ADAMTS20: variants seen among roughly 807,000 people sequenced by gnomAD.
The protein encoded by ADAMTS20 is ADAM metallopeptidase with thrombospondin type 1 motif 20.
In ADAMTS20, 225 loss-of-function variants were observed where a neutral mutation model predicts 260.1. That is an observed-to-expected ratio of 0.87 (90% CI 0.78 to 0.97). The LOEUF is 0.97. Among genes scored for constraint, ADAMTS20 ranks in the 50% least tolerant of loss-of-function variants. The probability of loss-of-function intolerance (pLI) is 0.00; values close to 1 mark genes in which losing one functional copy is unlikely to be tolerated. For synonymous variants in ADAMTS20, 802 were observed against 769.5 expected (o/e 1.04, Z -0.70); for missense variants, 2,400 against 2,337.7 (o/e 1.03, Z -0.55).
chr12:43,424,422 G>A (rs1031961825), intron 28 of ADAMTS20, among the ~76,000 whole-genome samples: 12 of 152,186 alleles, frequency 7.9e-5, no homozygotes, highest in Admixed American at 1.3e-4. Flanking sequence ...TGGGAGAAAT[G>A]CATAATCTAT....
In ADAMTS20 at chr12:43,383,889, T is replaced by C. The variant is rs1375341910; in HGVS notation, c.4541A>G (p.Asp1514Gly). ...GVGQVVEEMC[D>G]QSTRPCSQRR... ...CTGAGAACAAGGTCGGGTGGACTGA[T>C]CACACATTTCTTCAACCACCTGACC... The change falls in exon 30 of 39, where the codon GAT (aspartate) becomes GGT (glycine). Residue 1514 changes from aspartate to glycine, a missense_variant. By Grantham distance (94) the Asp-to-Gly change is moderately conservative. Coordinates refer to ENST00000389420, the MANE Select transcript of ADAMTS20 (RefSeq NM_025003.5). 6.2e-7 allele frequency: 1 copy of C among 1,613,930 alleles called. No homozygotes were observed. Among genetic ancestry groups the C allele is most frequent in the East Asian group, 2.2e-5 (1 of 44,880 alleles).
intron 16 of ADAMTS20, among the ~76,000 whole-genome samples, chr12:43,442,750 TAAATC>T (rs1941690944): frequency 1.3e-5 from 2 of 152,256 alleles, no homozygotes; most frequent in African/African-American, 4.8e-5. Flanking sequence ...AAAAGGCTAA[TAAATC>T]AAACTATTTA....
At chr12:43,359,880 A>G (rs994242557) in intron 37 of ADAMTS20, among the ~76,000 whole-genome samples, 1 of 152,224 alleles carries the variant, frequency 6.6e-6, no homozygotes, top group African/African-American at 2.4e-5. Flanking sequence ...ATAAAACTAT[A>G]AAAAGTTTTT....
intron 2 of ADAMTS20, among the ~76,000 whole-genome samples, chr12:43,545,375 T>G (rs989202207): frequency 1.3e-5 from 2 of 152,206 alleles, no homozygotes; most frequent in African/African-American, 4.8e-5. Context: ...AAATCTACCC[T>G]GTTTTTCAGC....
intron 4 of ADAMTS20, among the ~76,000 whole-genome samples, chr12:43,501,475 G>GCA (rs1353322850): frequency 3.4e-5 from 2 of 59,074 alleles, no homozygotes; most frequent in African/African-American, 5.1e-5. Context: ...GCGCGCGCGC[G>GCA]CGCGCGCACA....
At chr12:43,454,550 C>T (rs1012700819) in intron 11 of ADAMTS20, among the ~76,000 whole-genome samples, 17 of 152,178 alleles carry the variant, frequency 1.1e-4, no homozygotes, top group Admixed American at 8.5e-4. Context: ...CTGTTCTACC[C>T]ATTCAACAGC....
intron 4 of ADAMTS20, among the ~76,000 whole-genome samples, chr12:43,500,281 G>A (rs1345627309): frequency 1.3e-5 from 2 of 152,036 alleles, no homozygotes; most frequent in East Asian, 1.9e-4. Context: ...TGCATGCCTC[G>A]GCCTCTCAAA....
At position 43,477,353 on chromosome 12, in the gene ADAMTS20, A is replaced by G. The variant is rs1442511191; in HGVS notation, c.1118-8648T>C. 3.9e-5 allele frequency among the ~76,000 whole-genome samples: 6 copies of G among 152,188 alleles called. No homozygotes were observed. The East Asian group carries it at 1.2e-3, about 29-fold the overall frequency. ...GGGACAACAGGGTATAGATAATGCA[A>G]GAAATATATTCAGTAGATTCTTATT... On this transcript the variant is annotated intron_variant, in intron 7 of 38. Coordinates refer to ENST00000389420, the MANE Select transcript of ADAMTS20 (RefSeq NM_025003.5).
chr12:43,487,392 G>C (rs988200615), intron 7 of ADAMTS20, among the ~76,000 whole-genome samples: 2 of 136,444 alleles, frequency 1.5e-5, no homozygotes, highest in African/African-American at 5.3e-5. Flanking sequence ...ATACAGAGTG[G>C]CACAATGGAC....
At chr12:43,399,391 C>T (rs1015271152) in intron 28 of ADAMTS20, among the ~76,000 whole-genome samples, 158 bp from the exon 29 acceptor site, 49 of 152,060 alleles carry the variant, frequency 3.2e-4, no homozygotes, top group Admixed American at 3.2e-3. Flanking sequence ...TTAAAAGTTA[C>T]CAATCTGCTC....
Position 43,428,517 on chromosome 12 carries a change from A to G in ADAMTS20, c.3669T>C (p.Cys1223=), listed in dbSNP as rs750550185. ...CTTGTCGAGTTGTTTTTCCATGGCCACAGGAAGCTGAACACTGATCAAAAA... is the reference window on the plus strand; with the variant it reads ...CTTGTCGAGTTGTTTTTCCATGGCCGCAGGAAGCTGAACACTGATCAAAAA... ...AGDWSPCSAS[C]GHGKTTRQVL... The change falls in exon 26 of 39, where the codon TGT becomes TGC. Residue 1223 remains cysteine (C), a synonymous_variant. Transcript: ENST00000389420. 2 of 1,613,370 alleles carry G rather than the reference A, an allele frequency of 1.2e-6. No individual in the cohort carries two copies. Among genetic ancestry groups the G allele is most frequent in the South Asian group, 2.2e-5 (2 of 91,030 alleles).
chr12:43,356,761 C>T (rs1939755092), intron 37 of ADAMTS20, among the ~76,000 whole-genome samples, 173 bp from the exon 38 acceptor site: 1 of 152,154 alleles, frequency 6.6e-6, no homozygotes, highest in African/African-American at 2.4e-5. Context: ...AACTAATGGT[C>T]CTGTAGAAAT....
chr12:43,534,438 G>T lies in ADAMTS20; in HGVS notation c.454-2243C>A, dbSNP rs534740105. Among the ~76,000 whole-genome samples the T allele has an allele frequency of 2.6e-5, 4 of 152,294 alleles. No homozygotes were observed. The South Asian group carries it at 8.3e-4, about 32-fold the overall frequency. On this transcript the variant is annotated intron_variant, in intron 2 of 38. Coordinates refer to ENST00000389420, the MANE Select transcript of ADAMTS20 (RefSeq NM_025003.5). ...TATTTAACACATTAACAATGTATTTGCCCTTTAACACAGCAATTCCCCTTC... is the reference window on the plus strand; with the variant it reads ...TATTTAACACATTAACAATGTATTTTCCCTTTAACACAGCAATTCCCCTTC...
In ADAMTS20 at chr12:43,492,204, C is replaced by A. The variant is rs180827673; in HGVS notation, c.1076+301G>T. Among the ~76,000 whole-genome samples, 152 of 151,960 alleles carry A rather than the reference C, an allele frequency of 1.0e-3. 1 individual carries two copies. Among genetic ancestry groups the A allele is most frequent in the Middle Eastern group, 3.4e-3 (1 of 292 alleles). On this transcript the variant is annotated intron_variant, in intron 6 of 38. Transcript: ENST00000389420. Reference sequence around the variant, plus strand: ...GACCATCCTGGCTAACACGGTGAAACCCCGTCTCTACTAAAAATACAAAAA... The same window carrying A: ...GACCATCCTGGCTAACACGGTGAAAACCCGTCTCTACTAAAAATACAAAAA...
intron 3 of ADAMTS20, among the ~76,000 whole-genome samples, chr12:43,505,735 T>C (rs956546120): frequency 6.6e-6 from 1 of 152,208 alleles, no homozygotes; most frequent in Non-Finnish European, 1.5e-5. Flanking sequence ...GAAAACAATA[T>C]GGATGTTCCT....
rs563003607 is a variant in ADAMTS20, at chr12:43,488,971, T to C, written c.1117+1424A>G. On this transcript the variant is annotated intron_variant, in intron 7 of 38. Transcript: ENST00000389420. ...AGTTAAGTACCAGTACACCAAGTAC[T>C]GCAATTACCTTTCAGTTATTGTACG... is the stretch of plus-strand genomic sequence containing the variant. Among the ~76,000 whole-genome samples the C allele has an allele frequency of 7.9e-5, 12 of 152,228 alleles. No homozygotes were observed. In the South Asian group the frequency reaches 2.5e-3, roughly 32 times the overall value.
chr12:43,454,388 A>AT (rs1163084572), intron 11 of ADAMTS20, among the ~76,000 whole-genome samples: 1 of 152,062 alleles, frequency 6.6e-6, no homozygotes, highest in African/African-American at 2.4e-5. Context: ...CCATCCTTCC[A>AT]TTTTTTTACT....
At chr12:43,406,658 A>G (rs1270227484) in intron 28 of ADAMTS20, among the ~76,000 whole-genome samples, 1 of 152,074 alleles carries the variant, frequency 6.6e-6, no homozygotes, top group Admixed American at 6.6e-5. Flanking sequence ...CTAAACCCCA[A>G]TAGTTCTGAA....
intron 7 of ADAMTS20, among the ~76,000 whole-genome samples, chr12:43,472,044 C>T (rs553403166): frequency 4.5e-4 from 68 of 151,992 alleles, no homozygotes; most frequent in Admixed American, 2.1e-3. Flanking sequence ...CTCTGAGCTA[C>T]GGGAGGACAT....
Sources: gnomAD v4.1 joint callset for allele counts (sites outside exome capture counted in the v4.1 genomes callset) on GRCh38, gnomAD v4.1.1 for gene constraint, MANE v1.5 for transcripts, NCBI Gene and HGNC (gene_info 2026-07-23, HGNC 2026-07-21) for gene names.